Variants in ATXN2 observed in about 807,000 individuals in gnomAD.
ATXN2 encodes ataxin 2.
A neutral mutation model predicts 138.6 loss-of-function variants in ATXN2; 37 were observed. The ratio of observed to expected loss-of-function variants is 0.27; its 90% confidence interval spans 0.21 to 0.35. The LOEUF is 0.35. Among genes scored for constraint, ATXN2 ranks in the 10% least tolerant of loss-of-function variants. The pLI is 1.00. For missense variants in ATXN2, 1,216 were observed against 1,480.3 expected (o/e 0.82, Z 2.93); for synonymous variants, 549 against 543.7 (o/e 1.01, Z -0.13).
At chr12:111,573,870 C>CT (rs778132052) in intron 1 of ATXN2, among the ~76,000 whole-genome samples, 1,671 of 136,470 alleles carry the variant, frequency 0.012, 32 homozygotes, top group Admixed American at 0.03. Flanking sequence ...TTTTTTCTTT[C>CT]TTTTTTTTTT....
chr12:111,580,557 T>A (rs539511412), intron 1 of ATXN2, among the ~76,000 whole-genome samples: 1 of 145,230 alleles, frequency 6.9e-6, no homozygotes, highest in Non-Finnish European at 1.5e-5. Flanking sequence ...GTGGGTGTAG[T>A]CCCAGCTACT....
At chr12:111,452,888 A>G in intron 24 of ATXN2, 48 bp from the exon 25 acceptor site, 1 of 1,597,878 alleles carries the variant, frequency 6.3e-7, no homozygotes, top group Non-Finnish European at 8.5e-7. Context: ...GCAACACCAC[A>G]CATCAGCCTA....
At chr12:111,506,682 CCT>C (rs1238379311) in intron 14 of ATXN2, among the ~76,000 whole-genome samples, 6 of 149,896 alleles carry the variant, frequency 4.0e-5, no homozygotes, top group Non-Finnish European at 8.9e-5. Context: ...TCTCCCTCTC[CCT>C]CTCTTTCCAC....
intron 5 of ATXN2, among the ~76,000 whole-genome samples, chr12:111,537,600 A>G (rs1443748028): frequency 6.6e-6 from 1 of 151,908 alleles, no homozygotes; most frequent in African/African-American, 2.4e-5. Flanking sequence ...AAAAAGAAAA[A>G]AAAAGGCTAT....
chr12:111,530,665 T>A (rs928024611), intron 5 of ATXN2, among the ~76,000 whole-genome samples: 10 of 152,052 alleles, frequency 6.6e-5, no homozygotes, highest in Non-Finnish European at 7.4e-5. Context: ...ATACAAAAAG[T>A]TAGATGGGCG....
intron 1 of ATXN2, among the ~76,000 whole-genome samples, chr12:111,585,809 A>AAG (rs1474745858): frequency 8.0e-6 from 1 of 124,476 alleles, no homozygotes; most frequent in Non-Finnish European, 1.5e-5. Flanking sequence ...CTCAAAAAAA[A>AAG]AAAAAAAAAA....
chr12:111,528,192 T>C (rs1880607617), intron 5 of ATXN2, among the ~76,000 whole-genome samples: 1 of 152,214 alleles, frequency 6.6e-6, no homozygotes, highest in Non-Finnish European at 1.5e-5. Flanking sequence ...AATACTCTTT[T>C]GATTCAAGAA....
At chr12:111,563,545 A>G (rs1882818076) in intron 1 of ATXN2, among the ~76,000 whole-genome samples, 1 of 152,108 alleles carries the variant, frequency 6.6e-6, no homozygotes, top group Non-Finnish European at 1.5e-5. Flanking sequence ...TGTCTCTCAT[A>G]TGTTTAATAA....
Position 111,598,762 on chromosome 12 carries a change from G to T in ATXN2, c.251+22C>A. 7.9e-7 allele frequency: 1 copy of T among 1,270,846 alleles called. No homozygotes were observed. The highest frequency in any genetic ancestry group is 9.9e-7 in the Non-Finnish European group (1 of 1,010,026). The allele number at this position is 1,270,846 out of a possible 1,614,324, so 78.7% of individuals were successfully genotyped here. ...GGGGACGCCGGGCCCGGAGCGGAGG[G>T]GGCTGGGGTGCCGACACCCACCTGC... is the stretch of plus-strand genomic sequence containing the variant. On this transcript the variant is annotated intron_variant, in intron 1 of 24. Coordinates refer to ENST00000673436, the MANE Select transcript of ATXN2 (RefSeq NM_001372574.1). The surrounding 1 kb of genome is among the most constrained non-coding windows in gnomAD (Gnocchi z 4.5).
chr12:111,464,699 T>C lies in ATXN2; in HGVS notation c.2859A>G (p.Pro953=), dbSNP rs778453027. 7 of 1,611,340 alleles carry C rather than the reference T, an allele frequency of 4.3e-6. No individual in the cohort carries two copies. The East Asian group carries it at 8.9e-5, about 21-fold the overall frequency. ...AAGAAGGGCTTGTCTCCTTGTTGTA[T>C]GGTAATTTGGGACATGCTGAATTTG... ...THAMYACPKL[P]YNKETSPSFY... Residue 953 remains proline (P), a synonymous_variant, in exon 21 of 25, where the codon CCA becomes CCG. Coordinates refer to ENST00000673436, the MANE Select transcript of ATXN2 (RefSeq NM_001372574.1).
chr12:111,511,777 T>C (rs1879538882), intron 11 of ATXN2: 1 of 152,048 alleles, frequency 6.6e-6, no homozygotes, highest in African/African-American at 2.4e-5. Context: ...TGAAGAAGAT[T>C]TTTAAAATTT....
chr12:111,553,405 A>G (rs373831110), intron 3 of ATXN2, among the ~76,000 whole-genome samples: 2 of 151,950 alleles, frequency 1.3e-5, no homozygotes, highest in East Asian at 3.9e-4. Context: ...GTATTTGCAT[A>G]TAACTAAGCA....
Position 111,456,179 on chromosome 12 carries a change from A to C in ATXN2, c.3120T>G (p.Leu1040=). 2.5e-6 allele frequency: 4 copies of C among 1,614,252 alleles called. No individual in the cohort carries two copies. Among genetic ancestry groups the C allele is most frequent in the Non-Finnish European group, 3.4e-6 (4 of 1,180,048 alleles). The part of the protein sequence containing the change: ...QQQSAIYHAG[L]APTPPSMTPA... ...GTGTCATGGAGGGTGGAGTTGGCGC[A>C]AGCCCCGCGTGGTAAATGGCTGACT... The change falls in exon 23 of 25, where the codon CTT becomes CTG. Residue 1040 remains leucine (L), a synonymous_variant. Transcript: ENST00000673436.
chr12:111,493,760 C>G (rs1349657176), intron 14 of ATXN2, among the ~76,000 whole-genome samples: 1 of 151,280 alleles, frequency 6.6e-6, no homozygotes, highest in Non-Finnish European at 1.5e-5. Context: ...TCCTGAGTAG[C>G]TAGGATTACA....
chr12:111,533,104 G>C (rs1338781542), intron 5 of ATXN2, among the ~76,000 whole-genome samples: 1 of 152,218 alleles, frequency 6.6e-6, no homozygotes, highest in African/African-American at 2.4e-5. Flanking sequence ...AAGAGAAGCA[G>C]TTCCTTCCGA....
chr12:111,592,077 C>CA (rs113031934), intron 1 of ATXN2, among the ~76,000 whole-genome samples: 15,202 of 118,710 alleles, frequency 0.13, 1,683 homozygotes, highest in African/African-American at 0.32. Flanking sequence ...AAAACTGTCT[C>CA]AAAAAAAAAA....
At chr12:111,592,128 G>A (rs555311311) in intron 1 of ATXN2, among the ~76,000 whole-genome samples, 20 of 150,200 alleles carry the variant, frequency 1.3e-4, no homozygotes, top group Admixed American at 4.7e-4. Flanking sequence ...GGTGGCTCAC[G>A]CCTGTAATCC....
chr12:111,508,858 T>C lies in ATXN2; in HGVS notation c.1935+691A>G, dbSNP rs1879341825. On this transcript the variant is annotated intron_variant, in intron 14 of 24. Transcript: ENST00000673436. The stretch of plus-strand genomic sequence containing the variant: ...TTGAATGTTACCAATAAGTCAAGAA[T>C]GAAGCTATTGTTAACATTTAGAAAG... 2.6e-5 allele frequency among the ~76,000 whole-genome samples: 4 copies of C among 152,190 alleles called. No individual in the cohort carries two copies. The South Asian group carries it at 8.3e-4, about 32-fold the overall frequency.
chr12:111,571,146 A>C (rs1249347062), intron 1 of ATXN2, among the ~76,000 whole-genome samples: 1 of 152,228 alleles, frequency 6.6e-6, no homozygotes, highest in Non-Finnish European at 1.5e-5. Context: ...AGTATGAAGG[A>C]GCAGGGATGC....
Sources: gnomAD v4.1 joint callset for allele counts (sites outside exome capture counted in the v4.1 genomes callset) on GRCh38, gnomAD v4.1.1 for gene constraint, Gnocchi (gnomAD v3.1) non-coding constraint, MANE v1.5 for transcripts, NCBI Gene and HGNC (gene_info 2026-07-23, HGNC 2026-07-21) for gene names.